HMGB4: variants seen among roughly 807,000 people sequenced by gnomAD.
The protein encoded by HMGB4 is high mobility group box 4, also known as high mobility group protein B4.
For missense variants in HMGB4, 217 were observed against 220.4 expected (o/e 0.98, Z 0.10); for synonymous variants, 82 against 84.9 (o/e 0.97, Z 0.19).
upstream of HMGB4, chr1:33,863,087 C>T (rs112678128): frequency 1.3e-5 from 2 of 152,158 alleles, no homozygotes; most frequent in African/African-American, 4.8e-5. Context: ...GCTGTTCAAC[C>T]TTGAACATGT....
rs755420483 is a variant in HMGB4, at chr1:33,864,461, C to T, written c.270C>T (p.Pro90=). Residue 90 remains proline, a synonymous_variant, in exon 1 of 1, where the codon CCC becomes CCT. Coordinates refer to ENST00000681531, the MANE Select transcript of HMGB4 (RefSeq NM_001379301.1). ...GGAAGAAACGGAGAAAGCGGGATCC[C>T]CAGGAACCCAGACGGCCTCCATCAT... ...GKRKKRRKRD[P]QEPRRPPSSF... is the part of the protein sequence containing the mutation. The T allele has an allele frequency of 6.2e-7, 1 of 1,613,738 alleles. No homozygotes were observed. Among genetic ancestry groups the T allele is most frequent in the East Asian group, 2.2e-5 (1 of 44,846 alleles).
At position 33,864,142 on chromosome 1, in the gene HMGB4, G is replaced by A. The variant is rs2125123008; in HGVS notation, c.-50G>A. ...TTGCTCCTGGAGTGTGGGAACAACA[G>A]TCTCTCCTGTCCACGTTACTGAATC... is the stretch of plus-strand genomic sequence containing the variant. On this transcript the variant is annotated 5_prime_UTR_variant, in exon 1 of 1. Transcript: ENST00000681531. 1.3e-6 allele frequency: 2 copies of A among 1,512,516 alleles called. No individual in the cohort carries two copies. Among genetic ancestry groups the A allele is most frequent in the East Asian group, 4.5e-5 (2 of 44,402 alleles). The allele number at this position is 1,512,516 out of a possible 1,614,324, so 93.7% of individuals were successfully genotyped here. A position where few individuals can be genotyped will look rare whatever the true frequency, so the allele number is the denominator to read the frequency against.
chr1:33,861,932 C>T (rs1479707151), upstream of HMGB4, among the ~76,000 whole-genome samples: 2 of 85,698 alleles, frequency 2.3e-5, no homozygotes, highest in African/African-American at 1.2e-4. Flanking sequence ...CTTAACTTTC[C>T]TCCATCTCTG....
chr1:33,860,658 A>G (rs1271088374), upstream of HMGB4: 1 of 152,094 alleles, frequency 6.6e-6, no homozygotes, highest in Non-Finnish European at 1.5e-5. Context: ...TACTTTTTAG[A>G]GATATGGTTG....
At chr1:33,860,604 T>C (rs894836125), upstream of HMGB4, 14 of 152,220 alleles carry the variant, frequency 9.2e-5, no homozygotes, top group African/African-American at 3.4e-4. Context: ...TTTATTCCTA[T>C]CATTTCAATT....
At chr1:33,861,364 T>G (rs983101864), upstream of HMGB4, 1 of 152,154 alleles carries the variant, frequency 6.6e-6, no homozygotes, top group African/African-American at 2.4e-5. Context: ...ACTTTCGAGG[T>G]ATAGTGGCAG....
At chr1:33,864,037 C>A (rs1315948444), upstream of HMGB4, 7 of 670,208 alleles carry the variant, frequency 1.0e-5, no homozygotes, top group South Asian at 2.0e-5. Flanking sequence ...CTCAACAATG[C>A]CATCAGCACT....
Position 33,864,128 on chromosome 1 carries a change from G to A in HMGB4, c.-64G>A. 1 of 1,461,510 alleles carries A rather than the reference G, an allele frequency of 6.8e-7. No homozygotes were observed. The highest frequency in any genetic ancestry group is 2.2e-5 in the Admixed American group (1 of 45,850). The allele number at this position is 1,461,510 out of a possible 1,614,324, so 90.5% of individuals were successfully genotyped here. A position where few individuals can be genotyped will look rare whatever the true frequency, so the allele number is the denominator to read the frequency against. The stretch of plus-strand genomic sequence containing the variant: ...CAGCACTTTCTAGATTGCTCCTGGA[G>A]TGTGGGAACAACAGTCTCTCCTGTC... On this transcript the variant is annotated 5_prime_UTR_variant, in exon 1 of 1. In the 5' UTR this introduces an upstream ATG that the reference lacks. Transcript: ENST00000681531.
upstream of HMGB4, chr1:33,862,352 T>A (rs1057514420): frequency 1.7e-5 from 2 of 118,342 alleles, no homozygotes; most frequent in Admixed American, 7.7e-5. Flanking sequence ...TCTGTGTGTG[T>A]GTGTGTGTGT....
At chr1:33,861,150 TTAAG>T (rs1003456753), upstream of HMGB4, 4 of 152,172 alleles carry the variant, frequency 2.6e-5, no homozygotes, top group African/African-American at 9.7e-5. Flanking sequence ...TATATAAATA[TTAAG>T]TATGTATGTA....
chr1:33,864,710 A>G lies in HMGB4; in HGVS notation c.519A>G (p.Ser173=). ...QCNARKKYRM[S]ARNRCRGKRV... is the part of the protein sequence containing the mutation. Reference sequence around the variant, plus strand: ...ATGCCAGGAAGAAGTACCGAATGTCAGCTAGAAACCGGTGCAGAGGGAAAA... The same window carrying G: ...ATGCCAGGAAGAAGTACCGAATGTCGGCTAGAAACCGGTGCAGAGGGAAAA... The change falls in exon 1 of 1, where the codon TCA becomes TCG. Residue 173 remains serine, a synonymous_variant. Transcript: ENST00000681531. 1 of 1,613,254 alleles carries G rather than the reference A, an allele frequency of 6.2e-7. No homozygotes were observed. The highest frequency in any genetic ancestry group is 2.2e-5 in the East Asian group (1 of 44,764).
chr1:33,860,476 AGTG>A (rs1639411994), upstream of HMGB4: 1 of 152,188 alleles, frequency 6.6e-6, no homozygotes, highest in Non-Finnish European at 1.5e-5. Flanking sequence ...ACTTGGTTAA[AGTG>A]GTGTCTGCCA....
At position 33,864,177 on chromosome 1, in the gene HMGB4, G is replaced by A; in HGVS notation, c.-15G>A. 1 of 1,579,562 alleles carries A rather than the reference G, an allele frequency of 6.3e-7. No homozygotes were observed. The highest frequency in any genetic ancestry group is 8.6e-7 in the Non-Finnish European group (1 of 1,167,742). ...TCCACGTTACTGAATCCAGAAAAAA[G>A]GTGAACTTACGAACATGGGAAAAGA... On this transcript the variant is annotated 5_prime_UTR_variant, in exon 1 of 1. Coordinates refer to ENST00000681531, the MANE Select transcript of HMGB4 (RefSeq NM_001379301.1).
Position 33,864,530 on chromosome 1 carries a change from G to C in HMGB4, c.339G>C (p.Arg113Ser). The C allele has an allele frequency of 6.2e-6, 10 of 1,614,116 alleles. No homozygotes were observed. The highest frequency in any genetic ancestry group is 8.5e-6 in the Non-Finnish European group (10 of 1,180,010). ...AAGACCACTATGCTCAGCTGAAGAG[G>C]GAGAACCCGAACTGGTCGGTGGTGC... is the stretch of plus-strand genomic sequence containing the variant. ...FCQDHYAQLK[R>S]ENPNWSVVQV... The change falls in exon 1 of 1, where the codon AGG becomes AGC. Residue 113 changes from arginine to serine, a missense_variant. By Grantham distance (110) the Arg-to-Ser change is moderately radical (BLOSUM62 -1). Transcript: ENST00000681531.
chr1:33,862,863 A>C (rs1211888741), upstream of HMGB4: 1 of 152,236 alleles, frequency 6.6e-6, no homozygotes, highest in African/African-American at 2.4e-5. Context: ...TTTCTTTTAC[A>C]GAAGATGAAC....
At chr1:33,864,069 C>T (rs376854432), upstream of HMGB4, 57 of 891,936 alleles carry the variant, frequency 6.4e-5, no homozygotes, top group East Asian at 1.2e-3. Context: ...GCCCTGACTA[C>T]AGCTCTTGCA....
Position 33,864,306 on chromosome 1 carries a change from A to G in HMGB4, c.115A>G (p.Lys39Glu). ...GCAGCCAAATACCTATGTTGGCTTT[A>G]AAGAGTTCTCTAGAAAGTGTTCGGA... ...EQQPNTYVGF[K>E]EFSRKCSEKW... Residue 39 changes from lysine to glutamate, a missense_variant, in exon 1 of 1, where the codon AAA becomes GAA. By Grantham distance (56) the Lys-to-Glu change is moderately conservative (BLOSUM62 1). Transcript: ENST00000681531. 6.2e-7 allele frequency: 1 copy of G among 1,613,900 alleles called. No individual in the cohort carries two copies. The highest frequency in any genetic ancestry group is 1.1e-5 in the South Asian group (1 of 91,076).
upstream of HMGB4, chr1:33,862,049 G>A (rs771211802): frequency 1.3e-5 from 2 of 152,290 alleles, no homozygotes; most frequent in Non-Finnish European, 2.9e-5. Flanking sequence ...AGGTTGAAGA[G>A]AGGTTGGAGA....
rs760604884 is a variant in HMGB4 at position 33,864,592 on chromosome 1, C to T, written c.401C>T (p.Ala134Val). 1.9e-5 allele frequency: 31 copies of T among 1,613,868 alleles called. No homozygotes were observed. Among genetic ancestry groups the T allele is most frequent in the Non-Finnish European group, 2.5e-5 (30 of 1,180,016 alleles). The change falls in exon 1 of 1, where the codon GCG becomes GTG. Residue 134 changes from alanine to valine, a missense_variant. Transcript: ENST00000681531. Reference protein sequence around the residue: ...AKATGKMWSTATDLEKHPYEQ... With the variant: ...AKATGKMWSTVTDLEKHPYEQ... ...GCCACAGGGAAGATGTGGTCAACAG[C>T]GACAGACCTGGAGAAGCACCCTTAT...
Sources: allele counts gnomAD v4.1 joint callset (sites outside exome capture counted in the v4.1 genomes callset), GRCh38; gene constraint gnomAD v4.1.1; transcripts MANE v1.5; gene names NCBI Gene and HGNC (gene_info 2026-07-23, HGNC 2026-07-21).